The following SFR1 variants were observed in gnomAD, a reference collection of about 807,000 sequenced individuals.
The protein encoded by SFR1 is swi5-dependent recombination DNA repair protein 1 homolog.
Under a neutral mutation model 26.2 loss-of-function variants are expected in SFR1, and 24 were observed. The ratio of observed to expected loss-of-function variants is 0.92; its 90% CI spans 0.66 to 1.29. The LOEUF (loss-of-function observed/expected upper bound fraction) is 1.29, where lower values mean the gene tolerates loss of function less well. SFR1 is among the 50% of genes most tolerant of loss of function. The probability of loss-of-function intolerance (pLI) is 0.00; values close to 1 mark genes in which losing one functional copy is unlikely to be tolerated. For synonymous variants in SFR1, 77 were observed against 96.6 expected, an observed-to-expected ratio of 0.80 and a Z score of 1.19; for missense variants, 276 against 270.2, an observed-to-expected ratio of 1.02 and a Z score of -0.15.
chr10:104,124,882 G>T (rs1329465788), intron 3 of SFR1, among the ~76,000 whole-genome samples: 1 of 152,158 alleles, frequency 6.6e-6, no homozygotes, highest in Non-Finnish European at 1.5e-5. Flanking sequence ...TTGCAGCCTT[G>T]AACTCCTGGG....
At chr10:104,123,243 CAT>C (rs1442007547) in intron 2 of SFR1, 157 bp downstream of exon 2, 19 of 584,766 alleles carry the variant, frequency 3.2e-5, no homozygotes, top group African/African-American at 2.6e-4. Flanking sequence ...TCTAAGGTGA[CAT>C]ATATGACACC....
chr10:104,123,647 T>C, intron 2 of SFR1, 67 bp from the exon 3 acceptor site: 3 of 1,304,162 alleles, frequency 2.3e-6, no homozygotes, highest in Non-Finnish European at 3.1e-6. Context: ...ACTTTATTTC[T>C]GGTGATTTAT....
At chr10:104,120,725 G>C (rs1448807183), upstream of SFR1, among the ~76,000 whole-genome samples, 1 of 152,176 alleles carries the variant, frequency 6.6e-6, no homozygotes, top group African/African-American at 2.4e-5. Flanking sequence ...CTGAGGCACA[G>C]AATCACCTCA....
upstream of SFR1, chr10:104,121,947 T>A (rs1051114846): frequency 8.6e-6 from 4 of 467,466 alleles, no homozygotes; most frequent in African/African-American, 8.5e-5. Context: ...GCGCACCGGT[T>A]AATTCTGCCA....
upstream of SFR1, chr10:104,122,156 TGC>T: frequency 1.3e-6 from 2 of 1,547,484 alleles, no homozygotes; most frequent in Non-Finnish European, 1.7e-6. Flanking sequence ...CGGCCGCAGG[TGC>T]GCGCGCTTTT....
intron 3 of SFR1, among the ~76,000 whole-genome samples, chr10:104,124,401 T>C (rs2087003728): frequency 6.6e-6 from 1 of 151,978 alleles, no homozygotes; most frequent in Non-Finnish European, 1.5e-5. Context: ...GTATTAAATG[T>C]TAGATGCAAG....
chr10:104,125,172 G>A (rs1237044065), intron 3 of SFR1, among the ~76,000 whole-genome samples: 2 of 152,134 alleles, frequency 1.3e-5, no homozygotes, highest in African/African-American at 4.8e-5. Flanking sequence ...AACATTTAGT[G>A]GAAAGCATAG....
At chr10:104,123,255 C>A in intron 2 of SFR1, 169 bp downstream of exon 2, 1 of 529,052 alleles carries the variant, frequency 1.9e-6, no homozygotes. Context: ...TATATGACAC[C>A]CACCAGCCCC....
At chr10:104,121,278 A>G (rs2134697427), upstream of SFR1, among the ~76,000 whole-genome samples, 1 of 152,254 alleles carries the variant, frequency 6.6e-6, no homozygotes, top group South Asian at 2.1e-4. Flanking sequence ...AGATTTGAGT[A>G]AAAGATTTGA....
At chr10:104,122,835 A>AAAGTG in intron 1 of SFR1, 130 bp from the exon 2 acceptor site, 1 of 1,538,654 alleles carries the variant, frequency 6.5e-7, no homozygotes, top group Non-Finnish European at 8.7e-7. Context: ...AATGAATTAC[A>AAAGTG]AAGTGAAATT....
upstream of SFR1, among the ~76,000 whole-genome samples, chr10:104,121,367 G>T (rs1357738179): frequency 3.3e-5 from 5 of 152,134 alleles, no homozygotes; most frequent in Non-Finnish European, 1.5e-5. Context: ...CTCGCGACGG[G>T]ACCGCCGAGT....
Position 104,122,173 on chromosome 10 carries a change from T to G in SFR1, c.-11T>G, listed in dbSNP as rs1371361194. The G allele has an allele frequency of 6.5e-7, 1 of 1,549,068 alleles. No individual in the cohort carries two copies. The highest frequency in any genetic ancestry group is 1.4e-5 in the African/African-American group (1 of 72,888). ...GCCGCAGGTGCGCGCGCTTTTTTGCTCTCGCTGGGAATGGCGGAGGGAGGT... is the reference window on the plus strand; with the variant it reads ...GCCGCAGGTGCGCGCGCTTTTTTGCGCTCGCTGGGAATGGCGGAGGGAGGT... On this transcript the variant is annotated 5_prime_UTR_variant, in exon 1 of 4. Transcript: ENST00000369727.
At chr10:104,122,706 T>A in intron 1 of SFR1, 1 of 1,383,820 alleles carries the variant, frequency 7.2e-7, no homozygotes, top group Non-Finnish European at 9.3e-7. Context: ...TATATTTTGG[T>A]GGATGAAACG....
At chr10:104,122,889 A>T in intron 1 of SFR1, 76 bp from the exon 2 acceptor site, 1 of 1,583,218 alleles carries the variant, frequency 6.3e-7, no homozygotes, top group Non-Finnish European at 8.6e-7. Flanking sequence ...GTACACCAAT[A>T]CAATATATTA....
At chr10:104,121,369 C>T (rs1469802910), upstream of SFR1, among the ~76,000 whole-genome samples, 1 of 152,160 alleles carries the variant, frequency 6.6e-6, no homozygotes, top group Non-Finnish European at 1.5e-5. Flanking sequence ...CGCGACGGGA[C>T]CGCCGAGTTT....
At chr10:104,122,108 CT>C (rs1434303787), upstream of SFR1, 1 of 1,523,464 alleles carries the variant, frequency 6.6e-7, no homozygotes, top group East Asian at 2.5e-5. Flanking sequence ...TCTTTTCCGC[CT>C]ACCGCACGGC....
rs1186073260 is a variant in SFR1, at chr10:104,122,638, A to T, written c.14-327A>T. On this transcript the variant is annotated intron_variant, in intron 1 of 3. Transcript: ENST00000369727. ...CTTGAATTATGAAGCTGTCATAATA[A>T]AGAATTCCTGATTATCTAAAGCTGT... is the stretch of plus-strand genomic sequence containing the variant. 3 of 1,315,938 alleles carry T rather than the reference A, an allele frequency of 2.3e-6. No individual in the cohort carries two copies. The African/African-American group carries it at 4.5e-5, about 20-fold the overall frequency. 81.5% of individuals were successfully genotyped at this position (1,315,938 alleles called of 1,614,324 possible).
chr10:104,122,133 C>T (rs1233320888), upstream of SFR1: 7 of 1,546,710 alleles, frequency 4.5e-6, no homozygotes, highest in Non-Finnish European at 6.1e-6. Context: ...GCCCCTGCCA[C>T]AGGATCGATT....
At chr10:104,122,390 A>G (rs1213554522) in intron 1 of SFR1, 194 bp downstream of exon 1, 3 of 985,298 alleles carry the variant, frequency 3.0e-6, no homozygotes, top group Non-Finnish European at 1.2e-6. Flanking sequence ...TTACCCCTCA[A>G]AAGTTAATGC....
Sources: allele counts gnomAD v4.1 joint callset (sites outside exome capture counted in the v4.1 genomes callset), GRCh38; gene constraint gnomAD v4.1.1; transcripts MANE v1.5; gene names NCBI Gene and HGNC (gene_info 2026-07-23, HGNC 2026-07-21).